Variants in FAF1 observed in about 807,000 individuals in gnomAD.
FAF1 encodes the protein FAS-associated factor 1.
FAF1 carries 25 observed loss-of-function variants against 92.5 expected under a neutral mutation model. The observed-to-expected ratio is 0.27, with a 90% CI of 0.20 to 0.38. The LOEUF (loss-of-function observed/expected upper bound fraction) is 0.38, where lower values mean the gene tolerates loss of function less well. Among genes scored for constraint, FAF1 ranks in the 10% least tolerant of loss-of-function variants. The pLI, the probability that FAF1 is intolerant of heterozygous loss-of-function variation, is 1.00. For synonymous variants in FAF1, 234 were observed against 273.2 expected (o/e 0.86, Z 1.42); for missense variants, 636 against 793.3 (o/e 0.80, Z 2.38).
intron 18 of FAF1, among the ~76,000 whole-genome samples, chr1:50,453,602 A>G (rs1305693930): frequency 6.6e-6 from 1 of 152,236 alleles, no homozygotes; most frequent in African/African-American, 2.4e-5. Flanking sequence ...ATAAAACTGG[A>G]AGGCAAGAAT....
At chr1:50,681,033 T>C (rs1395531734) in intron 7 of FAF1, among the ~76,000 whole-genome samples, 2 of 151,910 alleles carry the variant, frequency 1.3e-5, no homozygotes, top group Non-Finnish European at 2.9e-5. Context: ...AGAATAATAA[T>C]AATAATAATA....
At chr1:50,554,123 A>G (rs915838666) in intron 13 of FAF1, among the ~76,000 whole-genome samples, 1 of 150,562 alleles carries the variant, frequency 6.6e-6, no homozygotes, top group Admixed American at 6.7e-5. Flanking sequence ...TACCTCCTGC[A>G]GGACTTTGCA....
chr1:50,795,897 T>G (rs1175274200), intron 3 of FAF1, among the ~76,000 whole-genome samples: 1 of 152,124 alleles, frequency 6.6e-6, no homozygotes, highest in Non-Finnish European at 1.5e-5. Context: ...AAAATTGGGC[T>G]GCTGCTACAC....
chr1:50,816,680 A>G (rs1485375741), intron 2 of FAF1, among the ~76,000 whole-genome samples: 2 of 152,072 alleles, frequency 1.3e-5, no homozygotes, highest in Non-Finnish European at 2.9e-5. Flanking sequence ...GAAGCTCTTT[A>G]GTTTAATTAG....
chr1:50,534,437 C>T (rs1648357845), intron 15 of FAF1, among the ~76,000 whole-genome samples: 2 of 151,938 alleles, frequency 1.3e-5, no homozygotes, highest in South Asian at 4.2e-4. Context: ...CACATGCCAC[C>T]ATACCCAGCT....
chr1:50,501,860 C>T (rs1646992325), intron 15 of FAF1, among the ~76,000 whole-genome samples: 1 of 151,974 alleles, frequency 6.6e-6, no homozygotes. Context: ...AAGTAGTTAC[C>T]CAAGACAAAT....
chr1:50,591,313 G>C lies in FAF1; in HGVS notation c.840+4808C>G, dbSNP rs757753488. ...GTCTTGTTTCTTTTAAATCTAGCCT[G>C]TGCACAGCAGAGCGCTCTTCACTAA... On this transcript the variant is annotated intron_variant, in intron 9 of 18. Transcript: ENST00000396153. 3.2e-4 allele frequency among the ~76,000 whole-genome samples: 49 copies of C among 152,080 alleles called. 1 individual carries two copies. Among genetic ancestry groups the C allele is most frequent in the Admixed American group, 1.3e-4 (2 of 15,278 alleles).
chr1:50,923,345 T>C (rs1644980538), intron 1 of FAF1, among the ~76,000 whole-genome samples: 1 of 152,102 alleles, frequency 6.6e-6, no homozygotes, highest in African/African-American at 2.4e-5. Flanking sequence ...CTCTAGGAGT[T>C]TGAGGCTGCA....
In FAF1 at chr1:50,858,065, A is replaced by C; in HGVS notation, c.46-68T>G. On this transcript the variant is annotated intron_variant, in intron 1 of 18. Coordinates refer to ENST00000396153, the MANE Select transcript of FAF1 (RefSeq NM_007051.3). The stretch of plus-strand genomic sequence containing the variant: ...ATAGGGAGGTAAATCAGACTTAAAA[A>C]TGTAAATAGCATAATATGTAATTTA... 8.5e-6 allele frequency: 9 copies of C among 1,063,432 alleles called. No homozygotes were observed. In the South Asian group the frequency reaches 1.3e-4, roughly 15 times the overall value. The allele number at this position is 1,063,432 out of a possible 1,614,324, so 65.9% of individuals were successfully genotyped here. A position where few individuals can be genotyped will look rare whatever the true frequency, so the allele number is the denominator to read the frequency against.
chr1:50,791,012 A>T (rs994660481), intron 3 of FAF1, among the ~76,000 whole-genome samples: 1 of 152,184 alleles, frequency 6.6e-6, no homozygotes, highest in Non-Finnish European at 1.5e-5. Context: ...AGTATTTCTC[A>T]TTGTAAATCA....
chr1:50,515,391 A>T (rs1187302287), intron 15 of FAF1, among the ~76,000 whole-genome samples: 3 of 152,114 alleles, frequency 2.0e-5, no homozygotes, highest in African/African-American at 7.2e-5. Flanking sequence ...GTGGTTCTTA[A>T]ATTTTAAGAT....
At chr1:50,539,815 A>G (rs1648676568) in intron 13 of FAF1, 87 bp from the exon 14 acceptor site, 13 of 950,876 alleles carry the variant, frequency 1.4e-5, no homozygotes, top group Non-Finnish European at 2.1e-5. Context: ...TTGTGTTATT[A>G]GTTATGTTAA....
chr1:50,959,902 C>G lies in FAF1; in HGVS notation c.-91G>C. On this transcript the variant is annotated 5_prime_UTR_variant, in exon 1 of 19. Transcript: ENST00000396153. Reference sequence around the variant, plus strand: ...GCGACCGTCGCCGCCACCGCCGCCGCCGCCGCCGGGCGCCGAGGGGCTGGC... The same window carrying G: ...GCGACCGTCGCCGCCACCGCCGCCGGCGCCGCCGGGCGCCGAGGGGCTGGC... 1 of 831,232 alleles carries G rather than the reference C, an allele frequency of 1.2e-6. No homozygotes were observed. The highest frequency in any genetic ancestry group is 1.5e-6 in the Non-Finnish European group (1 of 650,334). The allele number at this position is 831,232 out of a possible 1,614,324, so 51.5% of individuals were successfully genotyped here.
chr1:50,705,985 C>T (rs1257282502), intron 6 of FAF1, 94 bp from the exon 7 acceptor site: 3 of 676,772 alleles, frequency 4.4e-6, no homozygotes, highest in East Asian at 2.6e-5. Context: ...GTACCCTAAC[C>T]TCCACACAGG....
At position 50,801,635 on chromosome 1, in the gene FAF1, G is replaced by T; in HGVS notation, c.157C>A (p.Gln53Lys). ...GVIPQENGIL[Q>K]SEYGGETIPG... is the part of the protein sequence containing the mutation. The stretch of plus-strand genomic sequence containing the variant: ...GGTAAGCACTTTATAACATACCTTT[G>T]TAGAATGCCATTTTCCTGTGGTATT... The change falls in exon 3 of 19, where the codon CAA becomes AAA. Residue 53 changes from glutamine (Q) to lysine (K), a missense_variant. This residue lies in a region of FAF1 where 317 missense variants were observed against 342.4 expected (regional missense o/e 0.93). Transcript: ENST00000396153. The T allele has an allele frequency of 6.4e-7, 1 of 1,564,136 alleles. No homozygotes were observed. The highest frequency in any genetic ancestry group is 8.8e-7 in the Non-Finnish European group (1 of 1,134,908).
intron 4 of FAF1, among the ~76,000 whole-genome samples, chr1:50,760,651 C>T (rs1453851224): frequency 1.3e-5 from 2 of 152,016 alleles, no homozygotes; most frequent in Non-Finnish European, 2.9e-5. Context: ...AGAACAAAGA[C>T]ACAACATACC....
At chr1:50,943,143 A>G (rs1313759845) in intron 1 of FAF1, among the ~76,000 whole-genome samples, 1 of 152,220 alleles carries the variant, frequency 6.6e-6, no homozygotes, top group Non-Finnish European at 1.5e-5. Flanking sequence ...TTTTCTCACA[A>G]GTATGCCACT....
intron 2 of FAF1, among the ~76,000 whole-genome samples, chr1:50,840,049 A>C (rs1644243391): frequency 6.6e-6 from 1 of 151,994 alleles, no homozygotes. Flanking sequence ...TCCATTTGGC[A>C]GAAAAAAATA....
At chr1:50,671,069 T>C (rs565170889) in intron 7 of FAF1, among the ~76,000 whole-genome samples, 1 of 152,318 alleles carries the variant, frequency 6.6e-6, no homozygotes, top group South Asian at 2.1e-4. Flanking sequence ...TAATGGGCTA[T>C]ATTTATAATC....
Sources: allele counts gnomAD v4.1 joint callset (sites outside exome capture counted in the v4.1 genomes callset), GRCh38; gene constraint gnomAD v4.1.1; regional missense constraint gnomAD v4.1.1; transcripts MANE v1.5; gene names NCBI Gene and HGNC (gene_info 2026-07-23, HGNC 2026-07-21).